The following ANXA1 variants were observed in gnomAD, a reference collection of about 807,000 sequenced individuals.
The protein encoded by ANXA1 is annexin I (lipocortin I).
ANXA1 carries 39 observed loss-of-function variants against 47.9 expected under a neutral mutation model. That is an observed-to-expected ratio of 0.81 (90% CI 0.63 to 1.06). ANXA1 has a LOEUF of 1.06. Ranked by LOEUF, ANXA1 falls within the 50% of genes least tolerant of loss-of-function variation. The pLI is 0.00. For synonymous variants in ANXA1, 146 were observed against 142.5 expected (o/e 1.02, Z -0.17); for missense variants, 446 against 422.7 (o/e 1.06, Z -0.48).
rs776009008 is a variant in ANXA1 at position 73,170,171 on chromosome 9, G to A, written c.*64G>A. On this transcript the variant is annotated 3_prime_UTR_variant, in exon 13 of 13. Transcript: ENST00000257497. ...TTAATTATATATTTTCATCCTATAA[G>A]CTTAAATAGGAAAGTTTCTTCAACA... 3 of 1,385,796 alleles carry A rather than the reference G, an allele frequency of 2.2e-6. No homozygotes were observed. The highest frequency in any genetic ancestry group is 4.2e-5 in the Admixed American group (2 of 47,918). The allele number at this position is 1,385,796 out of a possible 1,614,324, so 85.8% of individuals were successfully genotyped here.
At chr9:73,158,431 A>T (rs983690277) in intron 1 of ANXA1, 91 bp from the exon 2 acceptor site, 3 of 959,226 alleles carry the variant, frequency 3.1e-6, no homozygotes, top group Non-Finnish European at 4.9e-6. Flanking sequence ...CTACTCTCTA[A>T]TGCTAACTCT....
chr9:73,164,874 T>A (rs1824200724), intron 8 of ANXA1, among the ~76,000 whole-genome samples: 1 of 152,146 alleles, frequency 6.6e-6, no homozygotes, highest in Non-Finnish European at 1.5e-5. Flanking sequence ...CAGCAAACAT[T>A]TATTCTGCAA....
intron 11 of ANXA1, 51 bp downstream of exon 11, chr9:73,167,606 G>A (rs750696979): frequency 1.1e-5 from 16 of 1,495,182 alleles, no homozygotes; most frequent in Middle Eastern, 1.8e-4. Flanking sequence ...ATTATTTGTA[G>A]AAAGAACAGA....
At chr9:73,161,117 G>T (rs1824135774) in intron 6 of ANXA1, among the ~76,000 whole-genome samples, 1 of 152,090 alleles carries the variant, frequency 6.6e-6, no homozygotes, top group Non-Finnish European at 1.5e-5. Flanking sequence ...CATCAAGCTT[G>T]CGTTTTAATA....
At chr9:73,161,559 T>C (rs865967479) in intron 6 of ANXA1, among the ~76,000 whole-genome samples, 3 of 152,148 alleles carry the variant, frequency 2.0e-5, no homozygotes, top group African/African-American at 7.2e-5. Flanking sequence ...CCTGAGCTGC[T>C]GGCTTTTTGG....
At chr9:73,162,705 C>T (rs941790136) in intron 6 of ANXA1, 77 bp from the exon 7 acceptor site, 1 of 1,121,254 alleles carries the variant, frequency 8.9e-7, no homozygotes, top group African/African-American at 1.6e-5. Flanking sequence ...GAATTTTCAA[C>T]CAACTTAGAG....
chr9:73,152,068 C>T (rs1193159514), intron 1 of ANXA1, 144 bp downstream of exon 1: 1 of 152,172 alleles, frequency 6.6e-6, no homozygotes, highest in Non-Finnish European at 1.5e-5. Flanking sequence ...TGTAGAATTA[C>T]ATTGGATATT....
chr9:73,156,717 G>C (rs1824053966), intron 1 of ANXA1, among the ~76,000 whole-genome samples: 1 of 152,186 alleles, frequency 6.6e-6, no homozygotes, highest in South Asian at 2.1e-4. Context: ...TATGGAATCA[G>C]TTTATGCCTC....
chr9:73,165,118 C>T lies in ANXA1; in HGVS notation c.615C>T (p.Ala205=). The T allele has an allele frequency of 6.2e-7, 1 of 1,611,974 alleles. No homozygotes were observed. The highest frequency in any genetic ancestry group is 8.5e-7 in the Non-Finnish European group (1 of 1,178,584). The change falls in exon 9 of 13, where the codon GCC becomes GCT. Residue 205 remains alanine (A), a splice_region_variant and synonymous_variant. Coordinates refer to ENST00000257497, the MANE Select transcript of ANXA1 (RefSeq NM_000700.3). ...NEDLADSDAR[A]LYEAGERRKG... is the part of the protein sequence containing the mutation. ...TTTACTTTTGTGTTTCTTGACAGGC[C>T]TTGTATGAAGCAGGAGAAAGGAGAA...
At chr9:73,158,925 C>A in intron 3 of ANXA1, 122 bp downstream of exon 3, 6 of 816,518 alleles carry the variant, frequency 7.3e-6, no homozygotes, top group African/African-American at 1.7e-5. Flanking sequence ...AAAAACATTT[C>A]TTTGCCAAAC....
At position 73,167,505 on chromosome 9, in the gene ANXA1, G is replaced by A. The variant is rs141810071; in HGVS notation, c.811G>A (p.Ala271Thr). 6.8e-4 allele frequency: 1,104 copies of A among 1,613,108 alleles called. 4 individuals carry two copies. Among genetic ancestry groups the A allele is most frequent in the Non-Finnish European group, 7.2e-4 (853 of 1,179,402 alleles). The change falls in exon 11 of 13, where the codon GCC becomes ACC. Residue 271 changes from alanine to threonine, a missense_variant. Ala to Thr is a moderately conservative substitution (Grantham distance 58, BLOSUM62 0). Coordinates refer to ENST00000257497, the MANE Select transcript of ANXA1 (RefSeq NM_000700.3). Reference protein sequence around the residue: ...EKCLTAIVKCATSKPAFFAEK... With the variant: ...EKCLTAIVKCTTSKPAFFAEK... ...ATTTTCTTCTCTAACAGTGAAGTGC[G>A]CCACAAGCAAACCAGCTTTCTTTGC...
At chr9:73,152,126 A>T (rs1260966232) in intron 1 of ANXA1, among the ~76,000 whole-genome samples, 1 of 152,226 alleles carries the variant, frequency 6.6e-6, no homozygotes, top group Admixed American at 6.5e-5. Flanking sequence ...TACTTAGTTA[A>T]CAAATACAAG....
chr9:73,160,905 T>C lies in ANXA1; in HGVS notation c.475+12T>C, dbSNP rs992099697. The C allele has an allele frequency of 6.4e-7, 1 of 1,553,230 alleles. No homozygotes were observed. The highest frequency in any genetic ancestry group is 1.4e-5 in the African/African-American group (1 of 73,480). ...GGTCTACAGAGAGGGTAAGTTGTAA[T>C]GTCCAACAGTCCAAACGCCTTATTT... is the stretch of plus-strand genomic sequence containing the variant. On this transcript the variant is annotated intron_variant, in intron 6 of 12. Coordinates refer to ENST00000257497, the MANE Select transcript of ANXA1 (RefSeq NM_000700.3).
chr9:73,166,009 A>G (rs1824222826), intron 9 of ANXA1, 88 bp from the exon 10 acceptor site: 6 of 936,206 alleles, frequency 6.4e-6, no homozygotes, highest in Admixed American at 2.7e-5. Context: ...ATTCTAAAAA[A>G]TTCTTTGAGT....
chr9:73,153,537 A>G (rs925816321), intron 1 of ANXA1, among the ~76,000 whole-genome samples: 1 of 152,226 alleles, frequency 6.6e-6, no homozygotes, highest in Non-Finnish European at 1.5e-5. Flanking sequence ...AATGGATCTT[A>G]GATGATAATT....
chr9:73,166,727 TTGAATCCCC>T (rs1280655721), intron 10 of ANXA1, among the ~76,000 whole-genome samples: 1 of 152,138 alleles, frequency 6.6e-6, no homozygotes, highest in Non-Finnish European at 1.5e-5. Context: ...GACTATGCAC[TTGAATCCCC>T]TGGAAAGCTT....
intron 1 of ANXA1, 145 bp from the exon 2 acceptor site, chr9:73,158,377 G>A (rs1824082460): frequency 6.5e-6 from 4 of 615,404 alleles, no homozygotes; most frequent in Middle Eastern, 9.0e-4. Flanking sequence ...CTTACATTTT[G>A]TTATGCTCCT....
At chr9:73,154,410 C>CTTTCT in intron 1 of ANXA1, 1 of 1,250,890 alleles carries the variant, frequency 8.0e-7, no homozygotes, top group African/African-American at 1.5e-5. Context: ...CCTCCCTTCT[C>CTTTCT]TTTCTTTTCT....
In ANXA1 at chr9:73,158,721, T is replaced by C; in HGVS notation, c.93T>C (p.Gly31=). ...AAACTGTGAAGTCATCCAAAGGTGG[T>C]CCCGGATCAGCGGTGAGCCCCTATC... is the stretch of plus-strand genomic sequence containing the variant. The part of the protein sequence containing the change: ...YVQTVKSSKG[G]PGSAVSPYPT... The change falls in exon 3 of 13, where the codon GGT becomes GGC. Residue 31 remains glycine, a synonymous_variant. Coordinates refer to ENST00000257497, the MANE Select transcript of ANXA1 (RefSeq NM_000700.3). 1 of 1,613,896 alleles carries C rather than the reference T, an allele frequency of 6.2e-7. No homozygotes were observed.
Sources: allele counts gnomAD v4.1 joint callset (sites outside exome capture counted in the v4.1 genomes callset), GRCh38; gene constraint gnomAD v4.1.1; transcripts MANE v1.5; gene names NCBI Gene and HGNC (gene_info 2026-07-23, HGNC 2026-07-21).